The following ADGRL2 variants were observed in gnomAD, a reference collection of about 807,000 sequenced individuals.
ADGRL2 encodes calcium-independent alpha-latrotoxin receptor 2.
ADGRL2 carries 44 observed loss-of-function variants against 157.4 expected under a neutral mutation model. That is an observed-to-expected ratio of 0.28 (90% CI 0.22 to 0.36). The LOEUF (loss-of-function observed/expected upper bound fraction) is 0.36, where lower values mean the gene tolerates loss of function less well. Ranked by LOEUF, ADGRL2 falls within the 10% of genes least tolerant of loss-of-function variation. The pLI is 1.00. For synonymous variants in ADGRL2, 585 were observed against 624.7 expected, an observed-to-expected ratio of 0.94 and a Z score of 0.95; for missense variants, 1,510 against 1,768.9, an observed-to-expected ratio of 0.85 and a Z score of 2.63.
In ADGRL2 at chr1:81,366,100, C is replaced by T. The variant is rs1570737521; in HGVS notation, c.-302+59591C>T. ...CTTACAGACTGTCATTCTTTTTATA[C>T]CTTCCTCTTGAAAATATCTATGAAA... On this transcript the variant is annotated intron_variant, in intron 1 of 24. Coordinates refer to the ADGRL2 transcript ENST00000370721. Among the ~76,000 whole-genome samples, 4 of 152,052 alleles carry T rather than the reference C, an allele frequency of 2.6e-5. No homozygotes were observed. The South Asian group carries it at 8.3e-4, about 32-fold the overall frequency.
intron 3 of ADGRL2, among the ~76,000 whole-genome samples, chr1:81,637,949 C>G (rs1246289360): frequency 6.6e-6 from 1 of 150,888 alleles, no homozygotes; most frequent in Non-Finnish European, 1.5e-5. Flanking sequence ...TACACATTGA[C>G]TAGGTAAACT....
intron 3 of ADGRL2, among the ~76,000 whole-genome samples, chr1:81,626,373 T>C (rs1467985994): frequency 6.6e-6 from 1 of 152,192 alleles, no homozygotes; most frequent in Non-Finnish European, 1.5e-5. Context: ...AGGTGCGATC[T>C]CAGCTCACTG....
intron 2 of ADGRL2, among the ~76,000 whole-genome samples, chr1:81,563,075 T>C (rs1218708485): frequency 1.3e-5 from 2 of 152,172 alleles, no homozygotes; most frequent in African/African-American, 4.8e-5. Flanking sequence ...TCAATATCTA[T>C]AAACATTTCT....
At chr1:81,779,839 G>C (rs2086742849) in intron 2 of ADGRL2, among the ~76,000 whole-genome samples, 1 of 152,186 alleles carries the variant, frequency 6.6e-6, no homozygotes, top group South Asian at 2.1e-4. Flanking sequence ...CTGAGCAGGA[G>C]TTCCCCTTAA....
intron 1 of ADGRL2, among the ~76,000 whole-genome samples, chr1:81,418,385 T>A (rs1434307530): frequency 6.6e-6 from 1 of 152,218 alleles, no homozygotes; most frequent in African/African-American, 2.4e-5. Context: ...AGAACTCCTA[T>A]AAATTTTGAA....
At chr1:81,769,366 T>C (rs952557401) in intron 2 of ADGRL2, among the ~76,000 whole-genome samples, 3 of 152,168 alleles carry the variant, frequency 2.0e-5, no homozygotes, top group South Asian at 2.1e-4. Flanking sequence ...CTATTTGACG[T>C]TGGTTTTTGT....
chr1:81,787,967 T>C (rs1413279587), intron 2 of ADGRL2, among the ~76,000 whole-genome samples: 1 of 152,152 alleles, frequency 6.6e-6, no homozygotes, highest in Non-Finnish European at 1.5e-5. Flanking sequence ...AGCTCAAACA[T>C]TAAAATGTTT....
At chr1:81,481,405 G>A (rs2078384006) in intron 2 of ADGRL2, among the ~76,000 whole-genome samples, 1 of 152,140 alleles carries the variant, frequency 6.6e-6, no homozygotes, top group Admixed American at 6.5e-5. Flanking sequence ...TTCTGTTTAG[G>A]ACTGTAGTCA....
intron 3 of ADGRL2, among the ~76,000 whole-genome samples, chr1:81,657,734 T>C (rs1255900410): frequency 1.3e-5 from 2 of 152,196 alleles, no homozygotes; most frequent in Non-Finnish European, 2.9e-5. Flanking sequence ...TTTCTATTTG[T>C]GTACCTTTCT....
chr1:81,897,233 A>C (rs139171621), intron 2 of ADGRL2, among the ~76,000 whole-genome samples: 1 of 152,122 alleles, frequency 6.6e-6, no homozygotes, highest in Non-Finnish European at 1.5e-5. Flanking sequence ...CGGAGGAGAT[A>C]GTTTAAACAG....
At chr1:81,817,087 CCTCACACTT>C (rs922089870) in intron 1 of ADGRL2, among the ~76,000 whole-genome samples, 1 of 151,870 alleles carries the variant, frequency 6.6e-6, no homozygotes, top group Non-Finnish European at 1.5e-5. Context: ...AATTTTCACC[CCTCACACTT>C]CTCCCACGCT....
At chr1:81,659,124 C>A (rs1219174982) in intron 3 of ADGRL2, among the ~76,000 whole-genome samples, 1 of 135,620 alleles carries the variant, frequency 7.4e-6, no homozygotes, top group East Asian at 2.3e-4. Context: ...TGCAATGGCA[C>A]AATTTCAGCT....
At chr1:81,819,220 A>T (rs2090734918) in intron 1 of ADGRL2, among the ~76,000 whole-genome samples, 1 of 152,276 alleles carries the variant, frequency 6.6e-6, no homozygotes, top group South Asian at 2.1e-4. Context: ...CAGTAGACAG[A>T]TATGAGAAGT....
chr1:81,658,404 C>CT (rs971803670), intron 3 of ADGRL2, among the ~76,000 whole-genome samples: 1 of 152,036 alleles, frequency 6.6e-6, no homozygotes, highest in African/African-American at 2.4e-5. Flanking sequence ...CACATTGTCT[C>CT]TTTTTAAAAA....
intron 2 of ADGRL2, among the ~76,000 whole-genome samples, chr1:81,768,530 G>C (rs542569435): frequency 2.7e-5 from 4 of 150,728 alleles, no homozygotes; most frequent in Admixed American, 2.0e-4. Flanking sequence ...CTGGAGTGCA[G>C]TGGTACAATC....
chr1:81,813,001 G>C (rs1368767128), intron 1 of ADGRL2, among the ~76,000 whole-genome samples: 2 of 151,740 alleles, frequency 1.3e-5, no homozygotes, highest in Non-Finnish European at 3.0e-5. Context: ...GGAAGTACTT[G>C]AGAGTTTTTC....
intron 3 of ADGRL2, among the ~76,000 whole-genome samples, chr1:81,597,123 G>A (rs192782193): frequency 2.0e-5 from 3 of 152,184 alleles, no homozygotes; most frequent in Non-Finnish European, 2.9e-5. Context: ...GTAACAATAG[G>A]GAAAAGCCAG....
At chr1:81,437,410 C>A (rs1394947528) in intron 1 of ADGRL2, among the ~76,000 whole-genome samples, 3 of 151,912 alleles carry the variant, frequency 2.0e-5, no homozygotes, top group Admixed American at 2.0e-4. Flanking sequence ...GTGTTATCAT[C>A]CCAGGAAAAA....
At chr1:81,870,534 T>A (rs1316329438) in intron 2 of ADGRL2, among the ~76,000 whole-genome samples, 1 of 152,060 alleles carries the variant, frequency 6.6e-6, no homozygotes, top group Admixed American at 6.6e-5. Context: ...ATACCCATAG[T>A]GATAATCTAA....
Sources: allele counts gnomAD v4.1 joint callset (sites outside exome capture counted in the v4.1 genomes callset), GRCh38; gene constraint gnomAD v4.1.1; transcripts MANE v1.5; gene names NCBI Gene and HGNC (gene_info 2026-07-23, HGNC 2026-07-21).